Variants in UVRAG observed in about 807,000 individuals in gnomAD.
UVRAG encodes the protein UV radiation resistance associated.
Under a neutral mutation model 78.0 loss-of-function variants are expected in UVRAG, and 19 were observed. The ratio of observed to expected loss-of-function variants is 0.24; its 90% CI spans 0.17 to 0.36. The LOEUF (loss-of-function observed/expected upper bound fraction) is 0.36, where lower values mean the gene tolerates loss of function less well. Ranked by LOEUF, UVRAG falls within the 10% of genes least tolerant of loss-of-function variation. UVRAG has a pLI of 1.00. For missense variants in UVRAG, 740 were observed against 853.8 expected, an observed-to-expected ratio of 0.87 and a Z score of 1.66; for synonymous variants, 323 against 324.6, an observed-to-expected ratio of 1.00 and a Z score of 0.05.
chr11:76,017,071 A>G (rs933890294), intron 12 of UVRAG, 91 bp downstream of exon 12: 6 of 983,258 alleles, frequency 6.1e-6, no homozygotes, highest in African/African-American at 1.7e-5. Context: ...AATCTAAATT[A>G]TGACAACTTT....
chr11:76,005,479 G>A (rs1422561273), intron 9 of UVRAG, among the ~76,000 whole-genome samples: 3 of 152,186 alleles, frequency 2.0e-5, no homozygotes, highest in Non-Finnish European at 2.9e-5. Context: ...ACTAGATCCC[G>A]TTGTCTTCAG....
intron 12 of UVRAG, among the ~76,000 whole-genome samples, chr11:76,045,258 G>A (rs115993560): frequency 7.2e-4 from 109 of 152,324 alleles, no homozygotes; most frequent in African/African-American, 2.6e-3. Flanking sequence ...TCCAAGAGAA[G>A]ATACATACAG....
chr11:75,960,987 G>A (rs747387309), intron 6 of UVRAG, among the ~76,000 whole-genome samples: 43 of 151,562 alleles, frequency 2.8e-4, no homozygotes, highest in Non-Finnish European at 5.0e-4. Context: ...TGAGAGTGCT[G>A]TCTGCTTTGA....
chr11:75,843,229 A>C (rs17134394), intron 1 of UVRAG, among the ~76,000 whole-genome samples: 29,318 of 152,098 alleles, frequency 0.19, 4,328 homozygotes, highest in African/African-American at 0.41. Context: ...GTTTTTTAAG[A>C]CTTGCTTTCC....
intron 5 of UVRAG, among the ~76,000 whole-genome samples, chr11:75,906,505 G>C (rs952406880): frequency 3.3e-5 from 5 of 151,958 alleles, no homozygotes; most frequent in Admixed American, 1.3e-4. Flanking sequence ...GTGCCATCAT[G>C]CCTGGCTAAT....
chr11:76,012,797 T>TGTGTG (rs1950075660), intron 11 of UVRAG: 1 of 125,554 alleles, frequency 8.0e-6, no homozygotes, highest in South Asian at 2.8e-4. Flanking sequence ...AAAAAAATGT[T>TGTGTG]TGTGTGTGTG....
intron 12 of UVRAG, among the ~76,000 whole-genome samples, chr11:76,040,949 A>G (rs1462623019): frequency 2.0e-5 from 3 of 152,318 alleles, no homozygotes; most frequent in Admixed American, 6.5e-5. Flanking sequence ...TTACTTGACA[A>G]TAAGAAGAAT....
intron 6 of UVRAG, among the ~76,000 whole-genome samples, chr11:75,912,353 C>T (rs1947758092): frequency 6.6e-6 from 1 of 152,188 alleles, no homozygotes; most frequent in African/African-American, 2.4e-5. Flanking sequence ...AAAAGTTAGA[C>T]TTATCAAAGT....
intron 5 of UVRAG, among the ~76,000 whole-genome samples, chr11:75,906,300 C>T (rs2135006013): frequency 6.6e-6 from 1 of 151,960 alleles, no homozygotes; most frequent in South Asian, 2.1e-4. Context: ...CCTGTGTTTT[C>T]TTCTAATAGT....
intron 14 of UVRAG, among the ~76,000 whole-genome samples, chr11:76,130,500 G>A (rs1188369271): frequency 6.6e-6 from 1 of 152,210 alleles, no homozygotes; most frequent in African/African-American, 2.4e-5. Flanking sequence ...GACTACAAAA[G>A]ATAAGGTTAC....
chr11:76,101,424 G>A (rs1213363129), intron 13 of UVRAG, among the ~76,000 whole-genome samples: 2 of 151,984 alleles, frequency 1.3e-5, no homozygotes, highest in Non-Finnish European at 2.9e-5. Context: ...GTCTGTTCAT[G>A]TCCTTTGCTC....
rs142248858 is a variant in UVRAG, at chr11:75,937,038, C to A, written c.594-24406C>A. 2.9e-3 allele frequency among the ~76,000 whole-genome samples: 444 copies of A among 152,288 alleles called. 5 individuals are homozygous for A. Among genetic ancestry groups the A allele is most frequent in the African/African-American group, 0.01 (426 of 41,574 alleles). ...CCTGAGTAGCTGACAGGCCACCAAG[C>A]TCCAGTTAATTAACTTTTAAAGCAA... On this transcript the variant is annotated intron_variant, in intron 6 of 14. Coordinates refer to ENST00000356136, the MANE Select transcript of UVRAG (RefSeq NM_003369.4).
chr11:76,140,579 A>G (rs549085700), intron 14 of UVRAG, 132 bp from the exon 15 acceptor site: 21 of 922,284 alleles, frequency 2.3e-5, no homozygotes, highest in African/African-American at 1.9e-4. Context: ...TGCAATAACT[A>G]TTGTCTAAGA....
At chr11:75,961,330 C>A in intron 6 of UVRAG, 114 bp from the exon 7 acceptor site, 1 of 743,282 alleles carries the variant, frequency 1.3e-6, no homozygotes, top group South Asian at 1.8e-5. Flanking sequence ...AATTAAAAAT[C>A]AATTGAGTTC....
In UVRAG at chr11:75,870,133, A is replaced by C. The variant is rs184107106; in HGVS notation, c.270+8353A>C. 2.0e-5 allele frequency among the ~76,000 whole-genome samples: 3 copies of C among 152,276 alleles called. No homozygotes were observed. The East Asian group carries it at 5.8e-4, about 29-fold the overall frequency. On this transcript the variant is annotated intron_variant, in intron 3 of 14. Transcript: ENST00000356136. Reference sequence around the variant, plus strand: ...AAAATAGTAGGCTATAAAATCTTTGAATGTGTGGCAGGCTGTATCTGCCTG... The same window carrying C: ...AAAATAGTAGGCTATAAAATCTTTGCATGTGTGGCAGGCTGTATCTGCCTG...
At chr11:76,107,688 A>G (rs1951995972) in intron 13 of UVRAG, among the ~76,000 whole-genome samples, 1 of 152,194 alleles carries the variant, frequency 6.6e-6, no homozygotes, top group Non-Finnish European at 1.5e-5. Flanking sequence ...ACTGTAAGAA[A>G]CAATATTATT....
At chr11:75,870,219 A>T (rs1417926769) in intron 3 of UVRAG, among the ~76,000 whole-genome samples, 3 of 152,226 alleles carry the variant, frequency 2.0e-5, no homozygotes, top group Non-Finnish European at 4.4e-5. Context: ...TTGTAATAGT[A>T]TAAAGGAAAG....
intron 12 of UVRAG, among the ~76,000 whole-genome samples, chr11:76,019,363 G>A (rs1450139173): frequency 6.6e-6 from 1 of 152,144 alleles, no homozygotes; most frequent in African/African-American, 2.4e-5. Flanking sequence ...AGTTAATTTG[G>A]GGAGGTCATG....
intron 8 of UVRAG, among the ~76,000 whole-genome samples, chr11:76,003,520 C>CT (rs531737039): frequency 2.3e-4 from 35 of 151,892 alleles, no homozygotes; most frequent in African/African-American, 8.0e-4. Flanking sequence ...CGCACCTGGC[C>CT]TAAAATAATG....
Sources: allele counts gnomAD v4.1 joint callset (sites outside exome capture counted in the v4.1 genomes callset), GRCh38; gene constraint gnomAD v4.1.1; transcripts MANE v1.5; gene names NCBI Gene and HGNC (gene_info 2026-07-23, HGNC 2026-07-21).